Variants in PHACTR2 observed in about 807,000 individuals in gnomAD.
PHACTR2 encodes the protein chromosome 6 open reading frame 56.
A neutral mutation model predicts 76.0 loss-of-function variants in PHACTR2; 30 were observed. The ratio of observed to expected loss-of-function variants is 0.39; its 90% confidence interval spans 0.30 to 0.54. The LOEUF (loss-of-function observed/expected upper bound fraction) is 0.54, where lower values mean the gene tolerates loss of function less well. PHACTR2 is among the 20% of genes least tolerant of loss of function. The pLI is 0.61. For missense variants in PHACTR2, 696 were observed against 781.1 expected (o/e 0.89, Z 1.30); for synonymous variants, 292 against 292.5 (o/e 1.00, Z 0.02).
rs576493047 is a variant in PHACTR2, at chr6:143,543,449, C to A, written c.217+6242C>A. On this transcript the variant is annotated intron_variant, in intron 1 of 11. Coordinates refer to the PHACTR2 transcript ENST00000367584. The surrounding 1 kb of genome is among the most constrained non-coding windows in gnomAD (Gnocchi z 4.7). ...AGACAGGCCAATAAGCCAAAGACCA[C>A]AGTGCAATAAAGTATAAGCTATGAT... Among the ~76,000 whole-genome samples, 2 of 152,320 alleles carry A rather than the reference C, an allele frequency of 1.3e-5. No homozygotes were observed. Among genetic ancestry groups the A allele is most frequent in the South Asian group, 4.1e-4 (2 of 4,832 alleles).
chr6:143,690,503 A>G (rs1402074330), intron 1 of PHACTR2, among the ~76,000 whole-genome samples: 2 of 152,048 alleles, frequency 1.3e-5, no homozygotes, highest in Non-Finnish European at 2.9e-5. Flanking sequence ...GAGTCTTTGT[A>G]TTAGAACGTG....
At chr6:143,637,662 G>A (rs1169358778) in intron 1 of PHACTR2, among the ~76,000 whole-genome samples, 1 of 152,240 alleles carries the variant, frequency 6.6e-6, no homozygotes, top group Admixed American at 6.5e-5. Context: ...AGGCTTGACT[G>A]GGGAAAAGGG....
chr6:143,600,451 T>A (rs1363102857), intron 1 of PHACTR2, among the ~76,000 whole-genome samples: 1 of 152,256 alleles, frequency 6.6e-6, no homozygotes. Flanking sequence ...AACTCAATAA[T>A]TTTTTGAGCA....
chr6:143,776,500 T>A lies in PHACTR2; in HGVS notation c.1590-828T>A, dbSNP rs1775274989. Among the ~76,000 whole-genome samples the A allele has an allele frequency of 6.6e-6, 1 of 152,204 alleles. No homozygotes were observed. The highest frequency in any genetic ancestry group is 6.5e-5 in the Admixed American group (1 of 15,282). On this transcript the variant is annotated intron_variant, in intron 8 of 12. Coordinates refer to ENST00000440869, the MANE Select transcript of PHACTR2 (RefSeq NM_001100164.2). The surrounding 1 kb of genome is among the most constrained non-coding windows in gnomAD (Gnocchi z 5.3). ...GGCATAGCAACAACCGCATTTTAAA[T>A]ACTTAACTATTCACAGGCAGAAGTC...
In PHACTR2 at chr6:143,671,694, C is replaced by T. The variant is rs777543296; in HGVS notation, c.14-40322C>T. On this transcript the variant is annotated intron_variant, in intron 1 of 11. Transcript: ENST00000305766. This position sits in a 1 kb window ranked among gnomAD's most constrained non-coding sequence, Gnocchi z 4.6. ...AACAAAGACTGGTAAAAAGGAGATG[C>T]ATAATAAATATTTGTTGAGTGGTGA... Among the ~76,000 whole-genome samples the T allele has an allele frequency of 1.1e-4, 16 of 152,090 alleles. No homozygotes were observed. Among genetic ancestry groups the T allele is most frequent in the Non-Finnish European group, 2.2e-4 (15 of 68,016 alleles).
rs969836946 is a variant in PHACTR2, at chr6:143,623,070, C to T, written c.13+14748C>T. On this transcript the variant is annotated intron_variant, in intron 1 of 11. Coordinates refer to the PHACTR2 transcript ENST00000305766. This position sits in a 1 kb window ranked among gnomAD's most constrained non-coding sequence, Gnocchi z 5.9. ...TCCCTAACACTGATGTCAAATATGC[C>T]GGTGAAGAGTTTGAATAAAATGTTT... Among the ~76,000 whole-genome samples, 2 of 151,764 alleles carry T rather than the reference C, an allele frequency of 1.3e-5. No individual in the cohort carries two copies. The highest frequency in any genetic ancestry group is 2.4e-5 in the African/African-American group (1 of 41,278).
In PHACTR2 at chr6:143,827,532, T is replaced by C. The variant is rs1470241514; in HGVS notation, c.*3843T>C. The C allele has an allele frequency of 2.0e-5, 3 of 152,242 alleles. No individual in the cohort carries two copies. In the East Asian group the frequency reaches 5.8e-4, roughly 29 times the overall value. 9.4% of individuals were successfully genotyped at this position (152,242 alleles called of 1,614,324 possible). ...CAGAGTAGGTGGTATGAAATTAAAC[T>C]AGTACAATATATATGAATTCATGTC... On this transcript the variant is annotated 3_prime_UTR_variant, in exon 13 of 13. Coordinates refer to ENST00000440869, the MANE Select transcript of PHACTR2 (RefSeq NM_001100164.2).
At chr6:143,681,207 T>A (rs1777382142) in intron 1 of PHACTR2, among the ~76,000 whole-genome samples, 1 of 152,288 alleles carries the variant, frequency 6.6e-6, no homozygotes, top group African/African-American at 2.4e-5. Flanking sequence ...AGTTAGACCA[T>A]TTTACATTCC....
intron 11 of PHACTR2, among the ~76,000 whole-genome samples, chr6:143,802,992 T>G (rs1443244770): frequency 6.6e-6 from 1 of 152,192 alleles, no homozygotes; most frequent in Non-Finnish European, 1.5e-5. Context: ...TTCACATAAC[T>G]GACTCATCAT....
intron 1 of PHACTR2, among the ~76,000 whole-genome samples, chr6:143,593,103 A>T (rs1317668920): frequency 6.6e-6 from 1 of 151,972 alleles, no homozygotes; most frequent in Admixed American, 6.6e-5. Context: ...TTTGAGAGGA[A>T]AAATTCCATT....
In PHACTR2 at chr6:143,658,531, A is replaced by C; in HGVS notation, c.13+50209A>C. On this transcript the variant is annotated intron_variant, in intron 1 of 11. Transcript: ENST00000305766. The surrounding 1 kb of genome is among the most constrained non-coding windows in gnomAD (Gnocchi z 4.1). The stretch of plus-strand genomic sequence containing the variant: ...AACATGATAGAGTGTATTTTAACAA[A>C]CCTGGATGGAATAGCCTACTATACA... 6.6e-6 allele frequency among the ~76,000 whole-genome samples: 1 copy of C among 152,174 alleles called. No individual in the cohort carries two copies. The highest frequency in any genetic ancestry group is 2.1e-4 in the South Asian group (1 of 4,830).
chr6:143,686,266 T>C (rs1392567291), intron 1 of PHACTR2, among the ~76,000 whole-genome samples: 1 of 152,076 alleles, frequency 6.6e-6, no homozygotes, highest in African/African-American at 2.4e-5. Context: ...ATTAACTTAA[T>C]AGTCAAGCAT....
intron 1 of PHACTR2, among the ~76,000 whole-genome samples, chr6:143,686,985 T>G (rs1777540715): frequency 6.6e-6 from 1 of 152,108 alleles, no homozygotes; most frequent in African/African-American, 2.4e-5. Context: ...TTTCAGCTAC[T>G]TTTTTTTCCT....
In PHACTR2 at chr6:143,771,174, GTATATATATATA is replaced by G. The variant is rs748236479; in HGVS notation, c.1233-1080_1233-1069del. ...TATATATATGTATATATATATATAT[GTATATATATATA>G]TATGTGTGTATATATATATATATAT... is the stretch of plus-strand genomic sequence containing the variant. On this transcript the variant is annotated intron_variant, in intron 6 of 12. Transcript: ENST00000440869. Among the ~76,000 whole-genome samples, 27 of 68,896 alleles carry G rather than the reference GTATATATATATA, an allele frequency of 3.9e-4. 4 individuals carry two copies. The highest frequency in any genetic ancestry group is 1.5e-3 in the African/African-American group (24 of 15,828). The allele number at this position is 68,896 out of a possible 152,430, so 45.2% of individuals were successfully genotyped here. A position where few individuals can be genotyped will look rare whatever the true frequency, so the allele number is the denominator to read the frequency against.
intron 1 of PHACTR2, among the ~76,000 whole-genome samples, chr6:143,631,350 C>G (rs115284103): frequency 0.01 from 1,561 of 152,170 alleles, 39 homozygotes; most frequent in African/African-American, 0.035. Flanking sequence ...ACCACCACCC[C>G]TGGCTAATTT....
In PHACTR2 at chr6:143,696,057, G is replaced by A. The variant is rs1474951611; in HGVS notation, c.47-15959G>A. On this transcript the variant is annotated intron_variant, in intron 1 of 12. Coordinates refer to ENST00000440869, the MANE Select transcript of PHACTR2 (RefSeq NM_001100164.2). The surrounding 1 kb of genome is among the most constrained non-coding windows in gnomAD (Gnocchi z 4.1). ...TTTTAAAATTTTTTATTTTTTGCAG[G>A]TGCAAGCATAAAAATAAAAAATTCG... Among the ~76,000 whole-genome samples the A allele has an allele frequency of 6.6e-6, 1 of 152,100 alleles. No homozygotes were observed. The highest frequency in any genetic ancestry group is 1.9e-4 in the East Asian group (1 of 5,186).
Position 143,562,360 on chromosome 6 carries a change from C to T in PHACTR2, c.217+25153C>T, listed in dbSNP as rs906103757. 2.6e-5 allele frequency among the ~76,000 whole-genome samples: 4 copies of T among 152,092 alleles called. No homozygotes were observed. The highest frequency in any genetic ancestry group is 9.7e-5 in the African/African-American group (4 of 41,400). On this transcript the variant is annotated intron_variant, in intron 1 of 11. Transcript: ENST00000367584. This position sits in a 1 kb window ranked among gnomAD's most constrained non-coding sequence, Gnocchi z 5.1. Reference sequence around the variant, plus strand: ...CTGGAAAGCAAAGGGGAAGCAGGCCCGTCACATGGCCAGAGCAGGAGCAAG... The same window carrying T: ...CTGGAAAGCAAAGGGGAAGCAGGCCTGTCACATGGCCAGAGCAGGAGCAAG...
intron 1 of PHACTR2, among the ~76,000 whole-genome samples, chr6:143,567,035 C>T (rs1775373523): frequency 4.6e-5 from 7 of 152,102 alleles, no homozygotes; most frequent in Admixed American, 4.6e-4. Context: ...AAGCCATTAG[C>T]AGCCACACAC....
At position 143,672,079 on chromosome 6, in the gene PHACTR2, G is replaced by T. The variant is rs1047904446; in HGVS notation, c.14-39937G>T. ...CTAATGCCAAGGGTGGTACAGGGAT[G>T]TGAAACAGGAATTAACTGCAAAAGG... is the stretch of plus-strand genomic sequence containing the variant. On this transcript the variant is annotated intron_variant, in intron 1 of 11. Coordinates refer to the PHACTR2 transcript ENST00000305766. The surrounding 1 kb of genome is among the most constrained non-coding windows in gnomAD (Gnocchi z 5.8). 3.3e-5 allele frequency among the ~76,000 whole-genome samples: 5 copies of T among 152,172 alleles called. No individual in the cohort carries two copies. Among genetic ancestry groups the T allele is most frequent in the African/African-American group, 1.2e-4 (5 of 41,424 alleles).
Sources: gnomAD v4.1 joint callset for allele counts (sites outside exome capture counted in the v4.1 genomes callset) on GRCh38, gnomAD v4.1.1 for gene constraint, Gnocchi (gnomAD v3.1) non-coding constraint, MANE v1.5 for transcripts, NCBI Gene and HGNC (gene_info 2026-07-23, HGNC 2026-07-21) for gene names.